WWP1: variants seen among roughly 807,000 people sequenced by gnomAD.
WWP1 encodes the protein WW domain containing E3 ubiquitin protein ligase 1, also known as NEDD4-like E3 ubiquitin-protein ligase WWP1.
In WWP1, 49 loss-of-function variants were observed where a neutral mutation model predicts 130.6. The ratio of observed to expected loss-of-function variants is 0.38; its 90% CI spans 0.30 to 0.48. The LOEUF (loss-of-function observed/expected upper bound fraction) is 0.48. Among genes scored for constraint, WWP1 ranks in the 20% least tolerant of loss-of-function variants. WWP1 has a pLI of 0.99. For missense variants in WWP1, 809 were observed against 1,100.6 expected (o/e 0.74, Z 3.75); for synonymous variants, 332 against 367.8 (o/e 0.90, Z 1.11).
intron 7 of WWP1, among the ~76,000 whole-genome samples, chr8:86,400,247 G>T (rs6993497): frequency 0.15 from 22,317 of 151,896 alleles, 1,788 homozygotes; most frequent in Non-Finnish European, 0.19. Context: ...CAGGAGAATT[G>T]CTTGAACCCG....
intron 18 of WWP1, among the ~76,000 whole-genome samples, chr8:86,445,994 T>G (rs1296542917): frequency 7.9e-5 from 11 of 138,910 alleles, no homozygotes; most frequent in African/African-American, 3.0e-4. Context: ...TTTTTTTTTT[T>G]TTTTGAGACA....
At chr8:86,362,775 G>A (rs1244880428) in intron 1 of WWP1, among the ~76,000 whole-genome samples, 1 of 152,130 alleles carries the variant, frequency 6.6e-6, no homozygotes, top group African/African-American at 2.4e-5. Context: ...AAGATCGAGT[G>A]TAGTGTCTTT....
intron 14 of WWP1, among the ~76,000 whole-genome samples, chr8:86,433,065 GT>G (rs1243251891): frequency 6.6e-6 from 1 of 152,116 alleles, no homozygotes; most frequent in African/African-American, 2.4e-5. Context: ...TAATCCAGGC[GT>G]TGGTTTGCAG....
chr8:86,407,534 A>G (rs928919614), intron 8 of WWP1, among the ~76,000 whole-genome samples: 2 of 152,236 alleles, frequency 1.3e-5, no homozygotes, highest in Non-Finnish European at 2.9e-5. Context: ...AAATGCATTT[A>G]CAGACATTAC....
At chr8:86,407,883 A>G (rs889502075) in intron 8 of WWP1, among the ~76,000 whole-genome samples, 4 of 152,054 alleles carry the variant, frequency 2.6e-5, no homozygotes, top group Non-Finnish European at 5.9e-5. Flanking sequence ...TGAACCATTA[A>G]TAATACATTG....
chr8:86,400,458 T>C lies in WWP1; in HGVS notation c.540-1561T>C, dbSNP rs144064477. The stretch of plus-strand genomic sequence containing the variant: ...AAGATGACAGGAATGGAAGGGAGCC[T>C]ATTTTTAAAAGAGATGCCAAGGAAT... On this transcript the variant is annotated intron_variant, in intron 7 of 24. Transcript: ENST00000517970. 7.0e-3 allele frequency among the ~76,000 whole-genome samples: 1,069 copies of C among 152,178 alleles called. 13 individuals are homozygous for C. Among genetic ancestry groups the C allele is most frequent in the African/African-American group, 0.024 (1,002 of 41,524 alleles).
chr8:86,448,646 A>C, intron 20 of WWP1, 133 bp downstream of exon 20: 1 of 776,260 alleles, frequency 1.3e-6, no homozygotes, highest in Non-Finnish European at 1.9e-6. Context: ...TTCTTGAAAA[A>C]AGAGAATATA....
At position 86,452,552 on chromosome 8, in the gene WWP1, T is replaced by C. The variant is rs754794465; in HGVS notation, c.2274-7T>C. The C allele has an allele frequency of 6.3e-7, 1 of 1,592,166 alleles. No homozygotes were observed. Among genetic ancestry groups the C allele is most frequent in the Non-Finnish European group, 8.5e-7 (1 of 1,171,756 alleles). On this transcript the variant is annotated splice_polypyrimidine_tract_variant and splice_region_variant and intron_variant, in intron 20 of 24. Transcript: ENST00000517970. ...TACCTATTTTTAAATACCATCTTTA[T>C]TTTCAGTTTAATGACAGAATGGCGT...
chr8:86,448,465 G>A lies in WWP1; in HGVS notation c.2225G>A (p.Gly742Glu). 1 of 1,613,768 alleles carries A rather than the reference G, an allele frequency of 6.2e-7. No homozygotes were observed. The highest frequency in any genetic ancestry group is 1.1e-5 in the South Asian group (1 of 91,050). ...GKVTSHDLKL[G>E]GSNILVTEEN... ...GTTACTTCACATGACCTGAAGTTGG[G>A]AGGTTCCAATATTCTGGTGACTGAG... The change falls in exon 20 of 25, where the codon GGA becomes GAA. Residue 742 changes from glycine (G) to glutamate (E), a missense_variant. By Grantham distance (98) the Gly-to-Glu change is moderately conservative. Around this residue, in one of 3 missense-constraint regions of WWP1, gnomAD observed 450 missense variants for 674.2 expected, o/e 0.67. Transcript: ENST00000517970.
chr8:86,419,985 C>T (rs548045256), intron 9 of WWP1, among the ~76,000 whole-genome samples: 8 of 152,298 alleles, frequency 5.3e-5, no homozygotes, highest in African/African-American at 1.9e-4. Flanking sequence ...TCCAGCCACA[C>T]TGTTTAGTGT....
At chr8:86,465,978 G>A (rs1051673823) in intron 24 of WWP1, among the ~76,000 whole-genome samples, 1 of 152,094 alleles carries the variant, frequency 6.6e-6, no homozygotes, top group Non-Finnish European at 1.5e-5. Context: ...GTGGTAAGAA[G>A]GCACCTGGAT....
At chr8:86,365,181 G>A (rs1823900390) in intron 1 of WWP1, among the ~76,000 whole-genome samples, 1 of 152,114 alleles carries the variant, frequency 6.6e-6, no homozygotes. Context: ...TCTGAAATTG[G>A]GTGATAACGA....
At chr8:86,373,484 C>G (rs910531746) in intron 2 of WWP1, among the ~76,000 whole-genome samples, 1 of 152,074 alleles carries the variant, frequency 6.6e-6, no homozygotes. Context: ...GCTTCCCACC[C>G]CATGTAGACT....
At chr8:86,462,095 G>C (rs1206579211) in intron 24 of WWP1, among the ~76,000 whole-genome samples, 1 of 152,162 alleles carries the variant, frequency 6.6e-6, no homozygotes, top group Non-Finnish European at 1.5e-5. Flanking sequence ...AAAGTAAGAT[G>C]TAAGTATTCC....
chr8:86,363,383 A>G (rs1429546531), intron 1 of WWP1, among the ~76,000 whole-genome samples: 1 of 152,140 alleles, frequency 6.6e-6, no homozygotes, highest in Non-Finnish European at 1.5e-5. Context: ...ATTATGTGGC[A>G]TTTAGCATGG....
intron 20 of WWP1, among the ~76,000 whole-genome samples, chr8:86,450,701 T>A (rs1811128135): frequency 6.6e-6 from 1 of 152,246 alleles, no homozygotes; most frequent in Non-Finnish European, 1.5e-5. Flanking sequence ...TAGTCTTGTT[T>A]TTTAATCTTG....
At chr8:86,440,727 G>A (rs1453304125) in intron 17 of WWP1, 1 of 453,940 alleles carries the variant, frequency 2.2e-6, no homozygotes, top group East Asian at 7.0e-5. Context: ...AGGAACATCA[G>A]TCATGGGTAT....
intron 5 of WWP1, 21 bp downstream of exon 5, chr8:86,381,650 T>C: frequency 1.3e-6 from 2 of 1,560,500 alleles, no homozygotes; most frequent in South Asian, 1.2e-5. Flanking sequence ...TGTTCTGACC[T>C]TTATTTCCTT....
At position 86,355,683 on chromosome 8, in the gene WWP1, T is replaced by C. The variant is rs77844918; in HGVS notation, c.-115+12753T>C. 5.2e-3 allele frequency among the ~76,000 whole-genome samples: 794 copies of C among 152,300 alleles called. 5 individuals carry two copies. The highest frequency in any genetic ancestry group is 0.018 in the African/African-American group (767 of 41,572). Reference sequence around the variant, plus strand: ...CAGCTTACCTACTCCATTGTTTATGTGCTTATACTTTTACACACTTATCTT... The same window carrying C: ...CAGCTTACCTACTCCATTGTTTATGCGCTTATACTTTTACACACTTATCTT... On this transcript the variant is annotated intron_variant, in intron 1 of 24. Coordinates refer to ENST00000517970, the MANE Select transcript of WWP1 (RefSeq NM_007013.4).
Sources: allele counts gnomAD v4.1 joint callset (sites outside exome capture counted in the v4.1 genomes callset), GRCh38; gene constraint gnomAD v4.1.1; regional missense constraint gnomAD v4.1.1; transcripts MANE v1.5; gene names NCBI Gene and HGNC (gene_info 2026-07-23, HGNC 2026-07-21).